Variants in PTPRD observed in about 807,000 individuals in gnomAD.
The protein encoded by PTPRD is receptor-type tyrosine-protein phosphatase delta.
Under a neutral mutation model 214.5 loss-of-function variants are expected in PTPRD, and 34 were observed. The observed-to-expected ratio is 0.16, with a 90% CI of 0.12 to 0.21. The LOEUF is 0.21. Ranked by LOEUF, PTPRD falls within the 10% of genes least tolerant of loss-of-function variation. PTPRD has a pLI of 1.00. For synonymous variants in PTPRD, 1,128 were observed against 845.7 expected (o/e 1.33, Z -5.79); for missense variants, 2,545 against 2,398.7 (o/e 1.06, Z -1.27).
intron 10 of PTPRD, among the ~76,000 whole-genome samples, chr9:9,073,194 A>G (rs2099746353): frequency 6.6e-6 from 1 of 152,216 alleles, no homozygotes; most frequent in African/African-American, 2.4e-5. Flanking sequence ...CTCAGATTCA[A>G]CGAAGATTTA....
intron 3 of PTPRD, among the ~76,000 whole-genome samples, chr9:10,221,310 C>G (rs997841296): frequency 6.6e-6 from 1 of 151,914 alleles, no homozygotes; most frequent in African/African-American, 2.4e-5. Flanking sequence ...CACACATATA[C>G]GCAAACACAG....
intron 11 of PTPRD, among the ~76,000 whole-genome samples, chr9:8,816,435 A>C (rs776279389): frequency 6.6e-6 from 1 of 152,188 alleles, no homozygotes; most frequent in Non-Finnish European, 1.5e-5. Flanking sequence ...TTGACCCTGA[A>C]AGTGATCTCC....
intron 11 of PTPRD, among the ~76,000 whole-genome samples, chr9:8,896,204 C>G (rs1375267344): frequency 1.3e-5 from 2 of 152,144 alleles, no homozygotes; most frequent in African/African-American, 4.8e-5. Flanking sequence ...ACGGAGAAAG[C>G]CTGCTCACAT....
At chr9:9,534,113 T>C (rs1407456375) in intron 8 of PTPRD, among the ~76,000 whole-genome samples, 1 of 152,040 alleles carries the variant, frequency 6.6e-6, no homozygotes, top group Non-Finnish European at 1.5e-5. Flanking sequence ...AGAGTGCTCT[T>C]ATAAGTTGCT....
intron 2 of PTPRD, among the ~76,000 whole-genome samples, chr9:10,464,317 T>G (rs549303709): frequency 1.5e-3 from 231 of 151,940 alleles, no homozygotes; most frequent in African/African-American, 5.1e-3. Context: ...GAGGCTAAAT[T>G]TGCAGTGTGC....
chr9:10,074,700 G>C (rs2098101989), intron 3 of PTPRD, among the ~76,000 whole-genome samples: 1 of 152,106 alleles, frequency 6.6e-6, no homozygotes, highest in South Asian at 2.1e-4. Context: ...AGAGGAAAGA[G>C]TGGGCTCCTG....
At chr9:9,672,495 C>G (rs1472430425) in intron 7 of PTPRD, among the ~76,000 whole-genome samples, 2 of 152,018 alleles carry the variant, frequency 1.3e-5, no homozygotes, top group African/African-American at 4.8e-5. Flanking sequence ...AGCACAGAAG[C>G]CCAGCAAAGT....
chr9:8,446,051 C>T (rs1320258948), intron 34 of PTPRD, among the ~76,000 whole-genome samples: 1 of 152,162 alleles, frequency 6.6e-6, no homozygotes, highest in Non-Finnish European at 1.5e-5. Flanking sequence ...TGAAAATGTG[C>T]TAAAGCAATG....
intron 11 of PTPRD, among the ~76,000 whole-genome samples, chr9:8,780,317 G>A (rs368047270): frequency 6.6e-6 from 1 of 152,092 alleles, no homozygotes; most frequent in East Asian, 1.9e-4. Flanking sequence ...TTTTCCCCGA[G>A]AGTAGGTGTA....
chr9:8,874,360 TG>T (rs2098355304), intron 11 of PTPRD, among the ~76,000 whole-genome samples: 1 of 151,850 alleles, frequency 6.6e-6, no homozygotes, highest in Admixed American at 6.6e-5. Flanking sequence ...TTGAACGGAC[TG>T]TTTTTTTTGC....
intron 2 of PTPRD, among the ~76,000 whole-genome samples, chr9:10,466,623 CAAAAAAAAAAA>C (rs66705572): frequency 3.9e-5 from 3 of 76,868 alleles, no homozygotes; most frequent in South Asian, 4.8e-4. Context: ...AACTCCAACT[CAAAAAAAAAAA>C]AAAAAAAAAA....
At chr9:9,555,346 A>C (rs890832284) in intron 8 of PTPRD, among the ~76,000 whole-genome samples, 3 of 152,098 alleles carry the variant, frequency 2.0e-5, no homozygotes, top group Admixed American at 2.0e-4. Context: ...CCTGTTGAGC[A>C]ACATCACACA....
Position 8,484,304 on chromosome 9 carries a change from C to T in PTPRD, c.3228G>A (p.Lys1076=), listed in dbSNP as rs2135784656. 6.2e-7 allele frequency: 1 copy of T among 1,614,088 alleles called. No homozygotes were observed. Among genetic ancestry groups the T allele is most frequent in the Non-Finnish European group, 8.5e-7 (1 of 1,180,022 alleles). ...RATQKLIVNL[K]PEKSYSFVLT... ...GCACAAATGAATATGATTTCTCAGG[C>T]TTCAGGTTGACAATTAACTTCTGTG... Residue 1076 remains lysine, a synonymous_variant, in exon 30 of 46, where the codon AAG becomes AAA. Transcript: ENST00000381196.
intron 9 of PTPRD, among the ~76,000 whole-genome samples, chr9:9,187,032 G>A (rs1593163664): frequency 7.7e-6 from 1 of 130,176 alleles, no homozygotes; most frequent in African/African-American, 3.0e-5. Flanking sequence ...ACCTGAAAAA[G>A]GTATTTCAAC....
At chr9:10,472,888 T>TA (rs958804032) in intron 2 of PTPRD, among the ~76,000 whole-genome samples, 1 of 151,888 alleles carries the variant, frequency 6.6e-6, no homozygotes, top group African/African-American at 2.4e-5. Context: ...AGAAAAATTT[T>TA]AAAAAAATTA....
chr9:8,911,945 T>C (rs921179371), intron 11 of PTPRD, among the ~76,000 whole-genome samples: 7 of 152,158 alleles, frequency 4.6e-5, no homozygotes, highest in Non-Finnish European at 5.9e-5. Flanking sequence ...CCATTAAAAC[T>C]GCAATGCGAT....
intron 8 of PTPRD, among the ~76,000 whole-genome samples, chr9:9,557,471 C>T (rs2154289349): frequency 6.6e-6 from 1 of 152,254 alleles, no homozygotes; most frequent in East Asian, 1.9e-4. Flanking sequence ...AAATGCACTG[C>T]AAAGCTCTCT....
At chr9:9,595,305 TA>T (rs1563936275) in intron 7 of PTPRD, among the ~76,000 whole-genome samples, 42 of 77,280 alleles carry the variant, frequency 5.4e-4, no homozygotes, top group African/African-American at 8.7e-4. Flanking sequence ...TATATATATA[TA>T]TATATTATAT....
In PTPRD at chr9:9,089,583, A is replaced by T. The variant is rs150982564; in HGVS notation, c.-142-70848T>A. ...CTACAAATTGATTCCATGTAGCAAA[A>T]CTATCACTATTCTATTAAGGTTCCT... On this transcript the variant is annotated intron_variant, in intron 10 of 45. Transcript: ENST00000381196. Among the ~76,000 whole-genome samples the T allele has an allele frequency of 2.5e-3, 383 of 152,298 alleles. 1 individual carries two copies. The highest frequency in any genetic ancestry group is 8.9e-3 in the African/African-American group (370 of 41,560).
Sources: allele counts gnomAD v4.1 joint callset (sites outside exome capture counted in the v4.1 genomes callset), GRCh38; gene constraint gnomAD v4.1.1; transcripts MANE v1.5; gene names NCBI Gene and HGNC (gene_info 2026-07-23, HGNC 2026-07-21).